Variants in FHOD3 observed in about 807,000 individuals in gnomAD.
FHOD3 encodes FH1/FH2 domain-containing protein 3.
FHOD3 carries 90 observed loss-of-function variants against 173.0 expected under a neutral mutation model. That is an observed-to-expected ratio of 0.52 (90% CI 0.44 to 0.62). The LOEUF (loss-of-function observed/expected upper bound fraction) is 0.62. FHOD3 is among the 20% of genes least tolerant of loss of function. The pLI is 0.00. For synonymous variants in FHOD3, 828 were observed against 823.0 expected, an observed-to-expected ratio of 1.01 and a Z score of -0.10; for missense variants, 1,945 against 2,034.7, an observed-to-expected ratio of 0.96 and a Z score of 0.85.
intron 6 of FHOD3, among the ~76,000 whole-genome samples, chr18:36,591,331 C>T (rs2059209076): frequency 6.6e-6 from 1 of 152,158 alleles, no homozygotes; most frequent in Non-Finnish European, 1.5e-5. Context: ...AATGGCAGCC[C>T]AGGGCATGAC....
At chr18:36,753,980 A>G (rs76687588) in intron 24 of FHOD3, among the ~76,000 whole-genome samples, 2,305 of 152,314 alleles carry the variant, frequency 0.015, 49 homozygotes, top group African/African-American at 0.052. Context: ...ATTTTCTCCT[A>G]TCTTTTAGAT....
intron 27 of FHOD3, among the ~76,000 whole-genome samples, chr18:36,762,216 T>G (rs1238528780): frequency 2.0e-5 from 3 of 152,186 alleles, no homozygotes; most frequent in Admixed American, 6.5e-5. Flanking sequence ...AATGCAGCTT[T>G]GAGTTTTCTT....
At chr18:36,548,013 G>A (rs1180270778) in intron 5 of FHOD3, among the ~76,000 whole-genome samples, 1 of 152,184 alleles carries the variant, frequency 6.6e-6, no homozygotes, top group Non-Finnish European at 1.5e-5. Context: ...CCAACATGGT[G>A]AAACCCTGTC....
chr18:36,365,762 G>C (rs1385838714), intron 2 of FHOD3, among the ~76,000 whole-genome samples: 1 of 152,168 alleles, frequency 6.6e-6, no homozygotes, highest in Non-Finnish European at 1.5e-5. Context: ...CGGGCTAGGT[G>C]TGGGGAGAAA....
At chr18:36,348,683 T>C (rs2045980134) in intron 1 of FHOD3, among the ~76,000 whole-genome samples, 1 of 152,112 alleles carries the variant, frequency 6.6e-6, no homozygotes. Flanking sequence ...CAGGCTCTGT[T>C]TGGGCTCCCC....
intron 6 of FHOD3, among the ~76,000 whole-genome samples, chr18:36,589,363 G>A (rs1030474403): frequency 6.6e-6 from 1 of 152,132 alleles, no homozygotes; most frequent in South Asian, 2.1e-4. Context: ...AAGCCCAAAG[G>A]CTGGATCTAG....
At chr18:36,327,014 A>G (rs1436774482) in intron 1 of FHOD3, among the ~76,000 whole-genome samples, 1 of 152,210 alleles carries the variant, frequency 6.6e-6, no homozygotes, top group African/African-American at 2.4e-5. Flanking sequence ...AGACAAAAAT[A>G]GGCACAAAAT....
intron 7 of FHOD3, among the ~76,000 whole-genome samples, chr18:36,601,933 C>G (rs1216958517): frequency 1.3e-5 from 2 of 152,176 alleles, no homozygotes; most frequent in African/African-American, 4.8e-5. Context: ...CACCCATAAG[C>G]CTTCGCCTGC....
At chr18:36,550,374 A>G (rs1881824104) in intron 5 of FHOD3, among the ~76,000 whole-genome samples, 1 of 151,518 alleles carries the variant, frequency 6.6e-6, no homozygotes, top group Admixed American at 6.6e-5. Flanking sequence ...CTCCTAAAGT[A>G]GGTAGTATAA....
chr18:36,663,899 G>A (rs960673275), intron 14 of FHOD3, among the ~76,000 whole-genome samples: 10 of 152,146 alleles, frequency 6.6e-5, no homozygotes, highest in African/African-American at 2.4e-4. Context: ...ACATGCTTGT[G>A]TCTTCCCATT....
intron 5 of FHOD3, among the ~76,000 whole-genome samples, chr18:36,520,318 A>G (rs1156663640): frequency 6.6e-6 from 1 of 152,154 alleles, no homozygotes. Flanking sequence ...TGAATATAGC[A>G]AGCATTCAGT....
intron 3 of FHOD3, among the ~76,000 whole-genome samples, chr18:36,481,697 T>G (rs1382163097): frequency 6.6e-6 from 1 of 152,204 alleles, no homozygotes; most frequent in Non-Finnish European, 1.5e-5. Flanking sequence ...TTTATTACCA[T>G]GGGAATTAAT....
chr18:36,536,752 C>T (rs1229587907), intron 5 of FHOD3, among the ~76,000 whole-genome samples: 1 of 152,200 alleles, frequency 6.6e-6, no homozygotes, highest in Non-Finnish European at 1.5e-5. Context: ...GGAGGCTTCC[C>T]ATGGGGTGGC....
intron 5 of FHOD3, among the ~76,000 whole-genome samples, chr18:36,547,402 T>C (rs2057454869): frequency 6.6e-6 from 1 of 152,196 alleles, no homozygotes; most frequent in Non-Finnish European, 1.5e-5. Context: ...AATTCTTGTT[T>C]TTCTGTGAGG....
At chr18:36,771,934 T>C (rs2043402757) in intron 28 of FHOD3, among the ~76,000 whole-genome samples, 1 of 152,218 alleles carries the variant, frequency 6.6e-6, no homozygotes, top group African/African-American at 2.4e-5. Context: ...CATGTTCTTC[T>C]CCTCCAAGTC....
chr18:36,530,814 C>T (rs1040618822), intron 5 of FHOD3, among the ~76,000 whole-genome samples: 1 of 152,190 alleles, frequency 6.6e-6, no homozygotes, highest in Non-Finnish European at 1.5e-5. Context: ...ACTGCTACTT[C>T]TGAACACAGG....
chr18:36,692,085 G>A (rs1374194612), intron 16 of FHOD3, among the ~76,000 whole-genome samples: 2 of 152,242 alleles, frequency 1.3e-5, no homozygotes, highest in Non-Finnish European at 2.9e-5. Flanking sequence ...AGTGTGGTCC[G>A]AAGGGTGGAC....
intron 7 of FHOD3, among the ~76,000 whole-genome samples, chr18:36,598,245 A>G (rs2030802568): frequency 6.6e-6 from 1 of 152,188 alleles, no homozygotes; most frequent in Non-Finnish European, 1.5e-5. Context: ...GTCTTTTTGA[A>G]TAGTTTCTTT....
In FHOD3 at chr18:36,335,730, G is replaced by C. The variant is rs572052647; in HGVS notation, c.166-19809G>C. ...GGAAGTGTCCAGCTTGCCTCATACG[G>C]ATGCTGCTGCCACATCTCTGTTCCT... On this transcript the variant is annotated intron_variant, in intron 1 of 28. Coordinates refer to ENST00000590592, the MANE Select transcript of FHOD3 (RefSeq NM_001281740.3). Among the ~76,000 whole-genome samples the C allele has an allele frequency of 2.2e-4, 34 of 152,222 alleles. 1 individual carries two copies. The highest frequency in any genetic ancestry group is 7.7e-4 in the African/African-American group (32 of 41,542).
Sources: gnomAD v4.1 joint callset for allele counts (sites outside exome capture counted in the v4.1 genomes callset) on GRCh38, gnomAD v4.1.1 for gene constraint, MANE v1.5 for transcripts, NCBI Gene and HGNC (gene_info 2026-07-23, HGNC 2026-07-21) for gene names.